The following NMNAT2 variants were observed in gnomAD, a reference collection of about 807,000 sequenced individuals.
NMNAT2 encodes the protein nicotinamide/nicotinic acid mononucleotide adenylyltransferase 2.
In NMNAT2, 11 loss-of-function variants were observed where a neutral mutation model predicts 41.6. That is an observed-to-expected ratio of 0.26 (90% CI 0.17 to 0.44). The LOEUF (loss-of-function observed/expected upper bound fraction) is 0.44, where lower values mean the gene tolerates loss of function less well. Ranked by LOEUF, NMNAT2 falls within the 20% of genes least tolerant of loss-of-function variation. The probability of loss-of-function intolerance (pLI) is 1.00; values close to 1 mark genes in which losing one functional copy is unlikely to be tolerated. For missense variants in NMNAT2, 288 were observed against 407.7 expected (o/e 0.71, Z 2.53); for synonymous variants, 148 against 151.2 (o/e 0.98, Z 0.16).
intron 5 of NMNAT2, among the ~76,000 whole-genome samples, chr1:183,285,098 C>T (rs1053045501): frequency 3.3e-5 from 5 of 152,174 alleles, no homozygotes; most frequent in Non-Finnish European, 7.3e-5. Context: ...AAGAGGAAAA[C>T]TTAATGCACC....
chr1:183,289,266 A>C (rs573091780), intron 4 of NMNAT2, among the ~76,000 whole-genome samples: 5 of 151,942 alleles, frequency 3.3e-5, no homozygotes, highest in Non-Finnish European at 7.4e-5. Context: ...AGCAGAATTG[A>C]CTGTTTGCTG....
intron 1 of NMNAT2, among the ~76,000 whole-genome samples, chr1:183,391,545 CA>C (rs1401404591): frequency 1.3e-5 from 2 of 152,006 alleles, no homozygotes; most frequent in Admixed American, 6.6e-5. Context: ...AAAAAATAAG[CA>C]AAAAACAAAG....
chr1:183,326,375 CAAAAAAAAAAAAAAAAA>C (rs58330585), intron 1 of NMNAT2, among the ~76,000 whole-genome samples: 1 of 69,152 alleles, frequency 1.4e-5, no homozygotes, highest in Non-Finnish European at 2.5e-5. Context: ...GACTCCATCT[CAAAAAAAAAAAAAAAAA>C]AAAAAAAAAG....
intron 1 of NMNAT2, among the ~76,000 whole-genome samples, chr1:183,350,472 A>G (rs1180934340): frequency 2.6e-5 from 4 of 152,230 alleles, no homozygotes; most frequent in Admixed American, 6.5e-5. Context: ...TCTTATTACC[A>G]TAATTTTACC....
At position 183,248,891 on chromosome 1, in the gene NMNAT2, A is replaced by AGAGT. The variant is rs374144957; in HGVS notation, c.*3749_*3750insACTC. The AGAGT allele has an allele frequency of 1.5e-4, 22 of 142,746 alleles. No individual in the cohort carries two copies. Among genetic ancestry groups the AGAGT allele is most frequent in the African/African-American group, 3.4e-4 (13 of 38,388 alleles). 8.8% of individuals were successfully genotyped at this position (142,746 alleles called of 1,614,324 possible). On this transcript the variant is annotated 3_prime_UTR_variant, in exon 11 of 11. Coordinates refer to ENST00000287713, the MANE Select transcript of NMNAT2 (RefSeq NM_015039.4). ...CTTCTCTCTCTTAGTCCCCTAAAAG[A>AGAGT]GTGTGTGTGTGTGTGTGTGTGTGTG...
intron 1 of NMNAT2, among the ~76,000 whole-genome samples, chr1:183,365,266 G>A (rs1310678383): frequency 6.6e-6 from 1 of 152,036 alleles, no homozygotes; most frequent in Non-Finnish European, 1.5e-5. Flanking sequence ...CTCAGTGGTC[G>A]GAGGAGAACC....
At chr1:183,396,884 C>T (rs771792370) in intron 1 of NMNAT2, among the ~76,000 whole-genome samples, 2 of 152,186 alleles carry the variant, frequency 1.3e-5, no homozygotes, top group Non-Finnish European at 2.9e-5. Flanking sequence ...ATTGAGGTTG[C>T]TGCAGACCCA....
At chr1:183,361,082 A>T (rs1327879321) in intron 1 of NMNAT2, among the ~76,000 whole-genome samples, 3 of 152,208 alleles carry the variant, frequency 2.0e-5, no homozygotes, top group African/African-American at 7.2e-5. Context: ...AGAAGCTATA[A>T]TAAAATTTCT....
chr1:183,315,888 C>T (rs1354296085), intron 1 of NMNAT2, among the ~76,000 whole-genome samples: 3 of 151,608 alleles, frequency 2.0e-5, no homozygotes, highest in East Asian at 1.9e-4. Flanking sequence ...ACTTTCTGCA[C>T]ATGTACCACA....
intron 1 of NMNAT2, among the ~76,000 whole-genome samples, chr1:183,368,130 A>G (rs555860661): frequency 1.6e-4 from 24 of 152,220 alleles, no homozygotes; most frequent in Non-Finnish European, 2.8e-4. Context: ...ATTAATATTT[A>G]TTATATAAAA....
chr1:183,408,820 A>G (rs1356221923), intron 1 of NMNAT2, among the ~76,000 whole-genome samples: 2 of 151,550 alleles, frequency 1.3e-5, no homozygotes, highest in Non-Finnish European at 1.5e-5. Flanking sequence ...ATTTATATGT[A>G]CAATATTTAT....
At chr1:183,343,111 A>G (rs140682880) in intron 1 of NMNAT2, among the ~76,000 whole-genome samples, 9 of 151,996 alleles carry the variant, frequency 5.9e-5, no homozygotes, top group African/African-American at 1.7e-4. Context: ...TCTCCTTCCC[A>G]TGTCAGCAGA....
intron 8 of NMNAT2, among the ~76,000 whole-genome samples, chr1:183,276,657 G>A (rs545592346): frequency 2.0e-4 from 30 of 152,334 alleles, no homozygotes; most frequent in African/African-American, 2.6e-4. Context: ...TGCTGACCTC[G>A]TCCCTCTAAA....
At chr1:183,402,718 C>T (rs954422956) in intron 1 of NMNAT2, among the ~76,000 whole-genome samples, 1 of 152,200 alleles carries the variant, frequency 6.6e-6, no homozygotes, top group Non-Finnish European at 1.5e-5. Flanking sequence ...CAGGCCACTG[C>T]TGCTCCCCCC....
chr1:183,280,847 T>C (rs1487048541), intron 7 of NMNAT2, among the ~76,000 whole-genome samples: 1 of 139,148 alleles, frequency 7.2e-6, no homozygotes, highest in Non-Finnish European at 1.5e-5. Context: ...TGCAATGGCG[T>C]GATCTCCGGC....
intron 1 of NMNAT2, among the ~76,000 whole-genome samples, chr1:183,307,165 G>A (rs529887306): frequency 9.9e-5 from 15 of 152,216 alleles, no homozygotes; most frequent in African/African-American, 3.1e-4. Flanking sequence ...TCTTGGTCTC[G>A]CTGCCCCTTT....
chr1:183,297,383 CTT>C (rs66514054), intron 1 of NMNAT2, among the ~76,000 whole-genome samples: 92 of 143,408 alleles, frequency 6.4e-4, no homozygotes, highest in Middle Eastern at 7.0e-3. Context: ...GGAAGGAACC[CTT>C]TTTTTTTTTT....
chr1:183,272,500 G>C (rs1420101973), intron 8 of NMNAT2, among the ~76,000 whole-genome samples: 3 of 152,240 alleles, frequency 2.0e-5, no homozygotes, highest in African/African-American at 4.8e-5. Context: ...TCACTGGTCA[G>C]AGAGGGTCAG....
chr1:183,412,498 G>A (rs1649147014), intron 1 of NMNAT2, among the ~76,000 whole-genome samples: 3 of 152,160 alleles, frequency 2.0e-5, no homozygotes, highest in Admixed American at 2.0e-4. Context: ...GCTGGGATTA[G>A]AGGTGTGAGC....
Sources: allele counts gnomAD v4.1 joint callset (sites outside exome capture counted in the v4.1 genomes callset), GRCh38; gene constraint gnomAD v4.1.1; transcripts MANE v1.5; gene names NCBI Gene and HGNC (gene_info 2026-07-23, HGNC 2026-07-21).